WDR43: variants seen among roughly 807,000 people sequenced by gnomAD.
WDR43 encodes WD repeat-containing protein 43.
A neutral mutation model predicts 91.4 loss-of-function variants in WDR43; 13 were observed. The observed-to-expected ratio is 0.14, with a 90% confidence interval of 0.09 to 0.23. The LOEUF is 0.23. Ranked by LOEUF, WDR43 falls within the 10% of genes least tolerant of loss-of-function variation. WDR43 has a pLI of 1.00. For missense variants in WDR43, 780 were observed against 809.4 expected (o/e 0.96, Z 0.44); for synonymous variants, 331 against 287.9 (o/e 1.15, Z -1.51).
chr2:28,920,224 C>CTTTTT lies in WDR43; in HGVS notation c.849+2244_849+2248dup, dbSNP rs751048652. 1.5e-3 allele frequency among the ~76,000 whole-genome samples: 164 copies of CTTTTT among 108,036 alleles called. 1 individual carries two copies. The highest frequency in any genetic ancestry group is 2.5e-3 in the African/African-American group (65 of 26,438). 70.9% of individuals were successfully genotyped at this position (108,036 alleles called of 152,430 possible). ...AAATAAAAATAAATTTTTTTTCTTT[C>CTTTTT]TTTTTTTTTTTTTTTTTTTGAGACA... On this transcript the variant is annotated intron_variant, in intron 6 of 17. Transcript: ENST00000407426.
chr2:28,934,091 G>A (rs1018851682), intron 11 of WDR43, among the ~76,000 whole-genome samples: 2 of 152,138 alleles, frequency 1.3e-5, no homozygotes, highest in African/African-American at 4.8e-5. Flanking sequence ...ACAGGTGAAT[G>A]GAGAAACAAA....
intron 14 of WDR43, 71 bp from the exon 15 acceptor site, chr2:28,941,390 A>G (rs1182296426): frequency 1.7e-6 from 2 of 1,202,114 alleles, no homozygotes; most frequent in African/African-American, 3.0e-5. Context: ...ACTGAGGCAT[A>G]GCTGAGCATG....
intron 10 of WDR43, chr2:28,928,187 A>G (rs941109324): frequency 2.0e-5 from 3 of 152,282 alleles, no homozygotes; most frequent in Admixed American, 2.0e-4. Context: ...GTCTGTGCAG[A>G]GTTGTTTTTT....
intron 13 of WDR43, 64 bp downstream of exon 13, chr2:28,937,017 G>A (rs1180669356): frequency 1.3e-6 from 2 of 1,483,478 alleles, no homozygotes; most frequent in Non-Finnish European, 1.8e-6. Context: ...ATATTAGGTG[G>A]TTCTGATTTC....
intron 16 of WDR43, among the ~76,000 whole-genome samples, chr2:28,943,385 G>A (rs781361998): frequency 2.0e-5 from 3 of 152,184 alleles, no homozygotes; most frequent in African/African-American, 4.8e-5. Flanking sequence ...GTCTTCTCGC[G>A]TCAGCTTCCC....
intron 4 of WDR43, among the ~76,000 whole-genome samples, chr2:28,913,189 C>T (rs763150386): frequency 6.6e-6 from 1 of 152,082 alleles, no homozygotes; most frequent in Admixed American, 6.5e-5. Flanking sequence ...CTCCTGGCCT[C>T]GTGATCTGCC....
At chr2:28,918,095 C>A in intron 6 of WDR43, 100 bp downstream of exon 6, 1 of 995,476 alleles carries the variant, frequency 1.0e-6, no homozygotes, top group Non-Finnish European at 1.5e-6. Context: ...ATAGAGAGGA[C>A]CTGAGGGAGT....
At chr2:28,910,694 T>TATATATATATATATAA (rs1001847583) in intron 3 of WDR43, among the ~76,000 whole-genome samples, 4 of 148,312 alleles carry the variant, frequency 2.7e-5, no homozygotes, top group Non-Finnish European at 6.0e-5. Flanking sequence ...TATATATATA[T>TATATATATATATATAA]AATTATTATT....
At chr2:28,905,014 T>C (rs528866930) in intron 2 of WDR43, 1 of 152,300 alleles carries the variant, frequency 6.6e-6, no homozygotes, top group Admixed American at 6.5e-5. Context: ...TGGGAAGGCC[T>C]GGAGGAGAAG....
intron 11 of WDR43, among the ~76,000 whole-genome samples, chr2:28,930,539 T>A (rs1269313902): frequency 6.6e-6 from 1 of 152,238 alleles, no homozygotes. Flanking sequence ...CTAAAATTAC[T>A]TTTAAAATAG....
intron 16 of WDR43, among the ~76,000 whole-genome samples, chr2:28,945,649 C>T (rs565147287): frequency 6.6e-6 from 1 of 152,166 alleles, no homozygotes; most frequent in Non-Finnish European, 1.5e-5. Flanking sequence ...CAATGCTGAT[C>T]GTTCATATTG....
At chr2:28,915,427 C>G (rs1484815628) in intron 5 of WDR43, among the ~76,000 whole-genome samples, 1 of 152,206 alleles carries the variant, frequency 6.6e-6, no homozygotes, top group African/African-American at 2.4e-5. Flanking sequence ...GCTTCAATCT[C>G]AAATGTTTTA....
Position 28,946,797 on chromosome 2 carries a change from G to T in WDR43, c.*18G>T. On this transcript the variant is annotated 3_prime_UTR_variant, in exon 18 of 18. Transcript: ENST00000407426. ...AAGAATGAAGACAGCAAAGCAAGCC[G>T]GTCAAACTATATAAACTCTGGCTCA... 6.4e-7 allele frequency: 1 copy of T among 1,558,982 alleles called. No individual in the cohort carries two copies. The highest frequency in any genetic ancestry group is 8.7e-7 in the Non-Finnish European group (1 of 1,155,892).
At chr2:28,897,333 C>T (rs1670503060) in intron 1 of WDR43, among the ~76,000 whole-genome samples, 1 of 152,046 alleles carries the variant, frequency 6.6e-6, no homozygotes, top group Non-Finnish European at 1.5e-5. Context: ...CTTATTAAAC[C>T]CTTCCTTTTA....
chr2:28,912,487 C>A, intron 3 of WDR43, 103 bp from the exon 4 acceptor site: 2 of 1,402,386 alleles, frequency 1.4e-6, no homozygotes, highest in South Asian at 1.3e-5. Flanking sequence ...GGACCTGAGG[C>A]GATATTTTTA....
intron 8 of WDR43, 127 bp from the exon 9 acceptor site, chr2:28,926,341 A>G (rs1043193303): frequency 5.8e-6 from 4 of 690,270 alleles, no homozygotes; most frequent in Non-Finnish European, 9.3e-6. Flanking sequence ...CATACTTTTT[A>G]ATATTTTATA....
At chr2:28,921,843 G>A (rs1343529383) in intron 6 of WDR43, among the ~76,000 whole-genome samples, 7 of 152,260 alleles carry the variant, frequency 4.6e-5, no homozygotes, top group East Asian at 3.9e-4. Context: ...GTGAGTAGCT[G>A]GGACTACAGG....
At chr2:28,946,374 C>T in intron 16 of WDR43, 76 bp from the exon 17 acceptor site, 1 of 1,362,878 alleles carries the variant, frequency 7.3e-7, no homozygotes, top group Non-Finnish European at 9.9e-7. Context: ...ATTCAGGAAT[C>T]TGGTTCTGCT....
intron 10 of WDR43, 144 bp downstream of exon 10, chr2:28,927,844 A>G: frequency 9.0e-7 from 1 of 1,107,790 alleles, no homozygotes; most frequent in East Asian, 2.7e-5. Context: ...TATCTTCACC[A>G]TCATAGATTT....
Sources: gnomAD v4.1 joint callset for allele counts (sites outside exome capture counted in the v4.1 genomes callset) on GRCh38, gnomAD v4.1.1 for gene constraint, MANE v1.5 for transcripts, NCBI Gene and HGNC (gene_info 2026-07-23, HGNC 2026-07-21) for gene names.